The following INTS1 variants were observed in gnomAD, a reference collection of about 807,000 sequenced individuals.
INTS1 encodes the protein integrator complex subunit 1.
INTS1 carries 137 observed loss-of-function variants against 241.6 expected under a neutral mutation model. The observed-to-expected ratio is 0.57, with a 90% confidence interval of 0.49 to 0.65. INTS1 has a LOEUF of 0.65. INTS1 is among the 30% of genes least tolerant of loss of function. The pLI is 0.00. For synonymous variants in INTS1, 1,692 were observed against 1,337.8 expected (o/e 1.26, Z -5.78); for missense variants, 3,073 against 3,032.2 (o/e 1.01, Z -0.32).
chr7:1,499,177 G>C lies in INTS1; in HGVS notation c.951-16C>G, dbSNP rs1243998961. 1 of 1,606,408 alleles carries C rather than the reference G, an allele frequency of 6.2e-7. No individual in the cohort carries two copies. The highest frequency in any genetic ancestry group is 1.3e-5 in the African/African-American group (1 of 74,772). Reference sequence around the variant, plus strand: ...CTCTTCGTACCTAGGCCAGAGGAGGGAGCGAGGAGGGAGGAAGGTGGCCCC... The same window carrying C: ...CTCTTCGTACCTAGGCCAGAGGAGGCAGCGAGGAGGGAGGAAGGTGGCCCC... On this transcript the variant is annotated splice_polypyrimidine_tract_variant and intron_variant, in intron 7 of 47. Transcript: ENST00000404767.
At chr7:1,472,433 T>A (rs1442394234) in intron 43 of INTS1, 47 bp from the exon 44 acceptor site, 2 of 1,365,542 alleles carry the variant, frequency 1.5e-6, no homozygotes, top group East Asian at 2.5e-5. Context: ...CGGCAGGACG[T>A]GCCACACTGA....
Position 1,470,573 on chromosome 7 carries a change from AG to A in INTS1, c.*3del. On this transcript the variant is annotated 3_prime_UTR_variant, in exon 48 of 48. Transcript: ENST00000404767. ...GGCTTGGAGGGGGGTCGGCTGCCAC[AG>A]GCTCACATCACGGCCTCCATATGCA... 6.5e-7 allele frequency: 1 copy of A among 1,548,632 alleles called. No individual in the cohort carries two copies. The highest frequency in any genetic ancestry group is 8.7e-7 in the Non-Finnish European group (1 of 1,146,782).
chr7:1,497,480 T>G lies in INTS1; in HGVS notation c.1426-166A>C, dbSNP rs1166990135. Among the ~76,000 whole-genome samples the G allele has an allele frequency of 1.3e-5, 2 of 152,098 alleles. No homozygotes were observed. The highest frequency in any genetic ancestry group is 2.9e-5 in the Non-Finnish European group (2 of 68,006). Reference sequence around the variant, plus strand: ...CCTTGCTCTACTGGCTGCCAGCCCTTGGCGAGCAGGGATCACATCTGATTC... The same window carrying G: ...CCTTGCTCTACTGGCTGCCAGCCCTGGGCGAGCAGGGATCACATCTGATTC... On this transcript the variant is annotated intron_variant, in intron 10 of 47. Coordinates refer to ENST00000404767, the MANE Select transcript of INTS1 (RefSeq NM_001080453.3). This position sits in a 1 kb window ranked among gnomAD's most constrained non-coding sequence, Gnocchi z 5.3.
chr7:1,470,925 C>T lies in INTS1; in HGVS notation c.6378G>A (p.Met2126Ile), dbSNP rs944909609. The T allele has an allele frequency of 1.3e-6, 2 of 1,580,540 alleles. No individual in the cohort carries two copies. Among genetic ancestry groups the T allele is most frequent in the African/African-American group, 2.7e-5 (2 of 74,038 alleles). Reference protein sequence around the residue: ...SIAAAFLPTFMYCLGSQDFEV... With the variant: ...SIAAAFLPTFIYCLGSQDFEV... ...CAAAGTCCTGGCTGCCCAGGCAGTA[C>T]ATGAACGTGGGCAGGAAAGCGGCTG... Residue 2126 changes from methionine (M) to isoleucine (I), a missense_variant, in exon 47 of 48, where the codon ATG becomes ATA. Met to Ile is a conservative substitution (Grantham distance 10). Transcript: ENST00000404767.
intron 12 of INTS1, 69 bp from the exon 13 acceptor site, chr7:1,495,622 G>C: frequency 1.3e-6 from 2 of 1,544,620 alleles, no homozygotes; most frequent in Non-Finnish European, 8.7e-7. Context: ...CACCCCTGGG[G>C]GTCCAACTCA....
Position 1,498,419 on chromosome 7 carries a change from G to A in INTS1, c.1418C>T (p.Ala473Val). 1.9e-6 allele frequency: 3 copies of A among 1,613,676 alleles called. No homozygotes were observed. Among genetic ancestry groups the A allele is most frequent in the East Asian group, 2.2e-5 (1 of 44,886 alleles). Reference sequence around the variant, plus strand: ...CAGGGACCCTGGGCCTACCTTGGGCGCCAGCTCTGAGCTGTGCTGCAGTGC... The same window carrying A: ...CAGGGACCCTGGGCCTACCTTGGGCACCAGCTCTGAGCTGTGCTGCAGTGC... ...YTALQHSSEL[A>V]PKFLAMVFQD... Residue 473 changes from alanine to valine, a missense_variant, in exon 10 of 48, where the codon GCG becomes GTG. Transcript: ENST00000404767.
intron 25 of INTS1, 43 bp downstream of exon 25, chr7:1,483,960 G>C (rs375893215): frequency 5.7e-6 from 9 of 1,589,918 alleles, no homozygotes; most frequent in Middle Eastern, 1.7e-4. Context: ...CCCAGCCGTA[G>C]ACCTCCTCGC....
chr7:1,498,736 G>A lies in INTS1; in HGVS notation c.1254C>T (p.Val418=). 6.4e-7 allele frequency: 1 copy of A among 1,561,418 alleles called. No homozygotes were observed. The highest frequency in any genetic ancestry group is 1.2e-5 in the South Asian group (1 of 84,700). Residue 418 remains valine (V), a synonymous_variant, in exon 9 of 48, where the codon GTC becomes GTT. Transcript: ENST00000404767. The part of the protein sequence containing the change: ...HLIKIRLKPK[V]LLNHFMLCIR... ...TGCACAGCATGAAGTGGTTGAGGAG[G>A]ACCTTGGGCTTGAGGCGGATCTTGA... is the stretch of plus-strand genomic sequence containing the variant.
chr7:1,497,776 C>G lies in INTS1; in HGVS notation c.1426-462G>C, dbSNP rs551504172. Among the ~76,000 whole-genome samples, 1 of 152,220 alleles carries G rather than the reference C, an allele frequency of 6.6e-6. No homozygotes were observed. The highest frequency in any genetic ancestry group is 1.5e-5 in the Non-Finnish European group (1 of 68,036). ...GGCTGTGCCTCCCTCGTGTTTCACA[C>G]TCCATAGAGCCCACCGGGAGGCCTA... On this transcript the variant is annotated intron_variant, in intron 10 of 47. Coordinates refer to ENST00000404767, the MANE Select transcript of INTS1 (RefSeq NM_001080453.3). The surrounding 1 kb of genome is among the most constrained non-coding windows in gnomAD (Gnocchi z 5.3).
chr7:1,481,128 T>A lies in INTS1; in HGVS notation c.3851-195A>T. 1 of 707,312 alleles carries A rather than the reference T, an allele frequency of 1.4e-6. No individual in the cohort carries two copies. Among genetic ancestry groups the A allele is most frequent in the Non-Finnish European group, 2.4e-6 (1 of 409,588 alleles). 43.8% of individuals were successfully genotyped at this position (707,312 alleles called of 1,614,324 possible). On this transcript the variant is annotated intron_variant, in intron 28 of 47. Coordinates refer to ENST00000404767, the MANE Select transcript of INTS1 (RefSeq NM_001080453.3). This position sits in a 1 kb window ranked among gnomAD's most constrained non-coding sequence, Gnocchi z 6.8. ...AAGCTCAAAACACGGCCCTAGGGGG[T>A]GCCTGGCCCCAGGGTTGGGGCAGGC...
chr7:1,500,102 G>T, intron 4 of INTS1, 68 bp downstream of exon 4: 6 of 1,588,266 alleles, frequency 3.8e-6, no homozygotes, highest in South Asian at 2.3e-5. Context: ...GGACACTTAA[G>T]GGGGAGGTGA....
chr7:1,489,677 T>A lies in INTS1; in HGVS notation c.2171A>T (p.Gln724Leu). 1 of 1,545,664 alleles carries A rather than the reference T, an allele frequency of 6.5e-7. No individual in the cohort carries two copies. Among genetic ancestry groups the A allele is most frequent in the Non-Finnish European group, 8.7e-7 (1 of 1,144,462 alleles). The change falls in exon 17 of 48, where the codon CAG becomes CTG. Residue 724 changes from glutamine (Q) to leucine (L), a missense_variant. Coordinates refer to ENST00000404767, the MANE Select transcript of INTS1 (RefSeq NM_001080453.3). ...PENIQLPPGYQPPNLAISTLY... is the reference protein window; with the variant it reads ...PENIQLPPGYLPPNLAISTLY... ...GGTAGAGATGGCGAGGTTCGGAGGCTGGTACCTGGAAGGCAGGGGCGCCCC... is the reference window on the plus strand; with the variant it reads ...GGTAGAGATGGCGAGGTTCGGAGGCAGGTACCTGGAAGGCAGGGGCGCCCC...
chr7:1,471,693 G>A lies in INTS1; in HGVS notation c.6185-52C>T, dbSNP rs959608418. 5.1e-6 allele frequency: 8 copies of A among 1,575,528 alleles called. No homozygotes were observed. In the East Asian group the frequency reaches 1.1e-4, roughly 22 times the overall value. ...AACTGAAGGGCCCAGGCAGACCTCTGCCCACCCCACCCCAGCCACCCAGAG... is the reference window on the plus strand; with the variant it reads ...AACTGAAGGGCCCAGGCAGACCTCTACCCACCCCACCCCAGCCACCCAGAG... On this transcript the variant is annotated intron_variant, in intron 44 of 47. Transcript: ENST00000404767.
chr7:1,475,347 T>C (rs1781662454), intron 39 of INTS1, among the ~76,000 whole-genome samples: 1 of 152,106 alleles, frequency 6.6e-6, no homozygotes, highest in Admixed American at 6.5e-5. Context: ...ATGGTACCGC[T>C]GCACTCCAGC....
At position 1,474,470 on chromosome 7, in the gene INTS1, C is replaced by T. The variant is rs1781620388; in HGVS notation, c.5637-110G>A. The T allele has an allele frequency of 4.5e-6, 5 of 1,109,506 alleles. No homozygotes were observed. In the South Asian group the frequency reaches 6.6e-5, roughly 15 times the overall value. The allele number at this position is 1,109,506 out of a possible 1,614,324, so 68.7% of individuals were successfully genotyped here. On this transcript the variant is annotated intron_variant, in intron 40 of 47. Coordinates refer to ENST00000404767, the MANE Select transcript of INTS1 (RefSeq NM_001080453.3). ...GGGAGCCAGACCCCGTGCTGCCCCC[C>T]AACCACCCTCCTGCCCTAAGGAGGT... is the stretch of plus-strand genomic sequence containing the variant.
chr7:1,475,747 C>T (rs1032920359), intron 39 of INTS1, among the ~76,000 whole-genome samples: 5 of 152,260 alleles, frequency 3.3e-5, no homozygotes, highest in African/African-American at 1.2e-4. Context: ...ACTCTCCAGA[C>T]TGTGCGAGCA....
chr7:1,482,781 C>A, intron 26 of INTS1, 74 bp from the exon 27 acceptor site: 1 of 1,527,876 alleles, frequency 6.5e-7, no homozygotes, highest in Non-Finnish European at 8.9e-7. Flanking sequence ...GGTGCCAAGG[C>A]TAGAGGCACC....
intron 39 of INTS1, 91 bp downstream of exon 39, chr7:1,475,857 A>G: frequency 4.2e-6 from 6 of 1,434,902 alleles, no homozygotes; most frequent in Non-Finnish European, 5.6e-6. Flanking sequence ...GTAGCCGGCG[A>G]TGGCCATGTA....
In INTS1 at chr7:1,489,700, C is replaced by T. The variant is rs1185388699; in HGVS notation, c.2166-18G>A. On this transcript the variant is annotated intron_variant, in intron 16 of 47. Transcript: ENST00000404767. Reference sequence around the variant, plus strand: ...GCTGGTACCTGGAAGGCAGGGGCGCCCCGACTCAGGCCCAGCGCACCAAGC... The same window carrying T: ...GCTGGTACCTGGAAGGCAGGGGCGCTCCGACTCAGGCCCAGCGCACCAAGC... The T allele has an allele frequency of 6.7e-7, 1 of 1,482,588 alleles. No individual in the cohort carries two copies. The highest frequency in any genetic ancestry group is 2.4e-5 in the East Asian group (1 of 41,046). The allele number at this position is 1,482,588 out of a possible 1,614,324, so 91.8% of individuals were successfully genotyped here.
Sources: allele counts gnomAD v4.1 joint callset (sites outside exome capture counted in the v4.1 genomes callset), GRCh38; gene constraint gnomAD v4.1.1; non-coding constraint Gnocchi (gnomAD v3.1); transcripts MANE v1.5; gene names NCBI Gene and HGNC (gene_info 2026-07-23, HGNC 2026-07-21).